ALKBH8: variants seen among roughly 807,000 people sequenced by gnomAD.
ALKBH8 encodes the protein tRNA (carboxymethyluridine(34)-5-O)-methyltransferase ALKBH8.
ALKBH8 carries 36 observed loss-of-function variants against 59.8 expected under a neutral mutation model. The observed-to-expected ratio is 0.60, with a 90% CI of 0.46 to 0.79. ALKBH8 has a LOEUF of 0.79. ALKBH8 is among the 30% of genes least tolerant of loss of function. The probability of loss-of-function intolerance (pLI) is 0.00; values close to 1 mark genes in which losing one functional copy is unlikely to be tolerated. For synonymous variants in ALKBH8, 276 were observed against 273.6 expected (o/e 1.01, Z -0.09); for missense variants, 768 against 801.0 (o/e 0.96, Z 0.50).
At chr11:107,519,483 T>C (rs1863016927) in intron 10 of ALKBH8, among the ~76,000 whole-genome samples, 1 of 152,182 alleles carries the variant, frequency 6.6e-6, no homozygotes, top group Admixed American at 6.5e-5. Flanking sequence ...ATCAGACTGG[T>C]AATATACAGT....
intron 3 of ALKBH8, among the ~76,000 whole-genome samples, chr11:107,556,315 G>A (rs1864709915): frequency 6.6e-6 from 1 of 152,052 alleles, no homozygotes; most frequent in East Asian, 1.9e-4. Flanking sequence ...TAAAAATAAA[G>A]TTTTAGGAAT....
At chr11:107,507,272 T>C (rs539842523) in intron 11 of ALKBH8, among the ~76,000 whole-genome samples, 2 of 152,236 alleles carry the variant, frequency 1.3e-5, no homozygotes, top group Non-Finnish European at 2.9e-5. Context: ...GTAACACACA[T>C]TGTATTGTAC....
chr11:107,516,430 C>T (rs1409502135), intron 10 of ALKBH8, among the ~76,000 whole-genome samples: 1 of 152,166 alleles, frequency 6.6e-6, no homozygotes, highest in Non-Finnish European at 1.5e-5. Context: ...AAATGCTTAT[C>T]TCACACCATC....
At chr11:107,520,480 C>CACACG (rs1346040367) in intron 10 of ALKBH8, among the ~76,000 whole-genome samples, 164 of 152,272 alleles carry the variant, frequency 1.1e-3, no homozygotes, top group African/African-American at 3.3e-3. Flanking sequence ...GACCTAGTTT[C>CACACG]ACTGTCACAA....
rs604866 is a variant in ALKBH8 at position 107,515,732 on chromosome 11, A to G, written c.1288-4696T>C. Among the ~76,000 whole-genome samples, 701 of 152,330 alleles carry G rather than the reference A, an allele frequency of 4.6e-3. 3 individuals carry two copies. Among genetic ancestry groups the G allele is most frequent in the African/African-American group, 0.015 (621 of 41,578 alleles). The stretch of plus-strand genomic sequence containing the variant: ...TGTGGAAGTACAAGTAAACATAAAA[A>G]AAATTCAACCTGATAAGCAAAGGTG... On this transcript the variant is annotated intron_variant, in intron 10 of 11. Coordinates refer to ENST00000428149, the MANE Select transcript of ALKBH8 (RefSeq NM_138775.3).
chr11:107,556,791 A>G lies in ALKBH8; in HGVS notation c.342T>C (p.Thr114=), dbSNP rs779159398. ...CTTTTTCCACAAAATTCAAATACAG[A>G]GTGATCTTTTGTCCTAAATCATCCA... The part of the protein sequence containing the change: ...EVVDDLGQKI[T]LYLNFVEKVQ... Residue 114 remains threonine (T), a synonymous_variant, in exon 3 of 12, where the codon ACT becomes ACC. Coordinates refer to ENST00000428149, the MANE Select transcript of ALKBH8 (RefSeq NM_138775.3). The G allele has an allele frequency of 3.5e-6, 5 of 1,411,364 alleles. No individual in the cohort carries two copies. The African/African-American group carries it at 7.4e-5, about 21-fold the overall frequency. 87.4% of individuals were successfully genotyped at this position (1,411,364 alleles called of 1,614,324 possible).
chr11:107,545,231 T>C (rs79688034), intron 7 of ALKBH8, among the ~76,000 whole-genome samples: 2,871 of 152,216 alleles, frequency 0.019, 42 homozygotes, highest in Non-Finnish European at 0.028. Context: ...ATAAAGAAAA[T>C]GTCTGGGTGT....
intron 8 of ALKBH8, among the ~76,000 whole-genome samples, chr11:107,531,511 C>T (rs1272857611): frequency 6.6e-6 from 1 of 152,170 alleles, no homozygotes; most frequent in Non-Finnish European, 1.5e-5. Context: ...AAATAAAAGA[C>T]TAAACAGAAT....
At chr11:107,528,112 T>C (rs1168433213) in intron 8 of ALKBH8, among the ~76,000 whole-genome samples, 3 of 152,130 alleles carry the variant, frequency 2.0e-5, no homozygotes, top group Non-Finnish European at 2.9e-5. Flanking sequence ...ATGAATTACA[T>C]TGATTTTTGA....
Position 107,525,555 on chromosome 11 carries a change from C to G in ALKBH8, c.916G>C (p.Glu306Gln). 3 of 1,521,298 alleles carry G rather than the reference C, an allele frequency of 2.0e-6. No individual in the cohort carries two copies. Among genetic ancestry groups the G allele is most frequent in the Non-Finnish European group, 2.6e-6 (3 of 1,135,410 alleles). The allele number at this position is 1,521,298 out of a possible 1,614,324, so 94.2% of individuals were successfully genotyped here. ...GTGATAATTCCACTTTTAAGACTCT[C>G]AGATGCTTGAACAGTATCAAATTTT... Reference protein sequence around the residue: ...CRKFDTVQASESLKSGIITSD... With the variant: ...CRKFDTVQASQSLKSGIITSD... The change falls in exon 9 of 12, where the codon GAG (glutamate) becomes CAG (glutamine). Residue 306 changes from glutamate to glutamine, a missense_variant. Glu to Gln is a conservative substitution (Grantham distance 29, BLOSUM62 2). Transcript: ENST00000428149.
intron 10 of ALKBH8, among the ~76,000 whole-genome samples, chr11:107,516,292 G>T (rs1748954650): frequency 6.6e-6 from 1 of 152,110 alleles, no homozygotes; most frequent in Admixed American, 6.6e-5. Context: ...GTGTTATTTA[G>T]AATACTTCCA....
intron 7 of ALKBH8, among the ~76,000 whole-genome samples, chr11:107,537,498 G>A (rs1054731134): frequency 1.3e-4 from 19 of 151,902 alleles, no homozygotes; most frequent in African/African-American, 3.9e-4. Flanking sequence ...AGTGGTACCT[G>A]AATGATGAGA....
intron 7 of ALKBH8, among the ~76,000 whole-genome samples, chr11:107,537,415 G>A (rs950200264): frequency 2.6e-5 from 4 of 152,168 alleles, no homozygotes; most frequent in Admixed American, 6.5e-5. Flanking sequence ...GGACACAGAT[G>A]GAGTTGGAAG....
intron 11 of ALKBH8, among the ~76,000 whole-genome samples, chr11:107,507,209 T>C (rs1862423494): frequency 6.6e-6 from 1 of 152,196 alleles, no homozygotes; most frequent in Non-Finnish European, 1.5e-5. Flanking sequence ...AAATTAATAT[T>C]TCCAGTTCCA....
chr11:107,562,455 T>A (rs965313419), intron 1 of ALKBH8, among the ~76,000 whole-genome samples: 30 of 152,096 alleles, frequency 2.0e-4, no homozygotes, highest in Non-Finnish European at 2.9e-5. Context: ...AAAATGGACA[T>A]GTTTGGCCAA....
At chr11:107,519,531 A>G (rs900945533) in intron 10 of ALKBH8, among the ~76,000 whole-genome samples, 2 of 152,222 alleles carry the variant, frequency 1.3e-5, no homozygotes, top group Admixed American at 6.5e-5. Context: ...AGTAAAGTAC[A>G]TTGAAAAGAG....
At chr11:107,552,948 CAACAA>C (rs1431453613) in intron 5 of ALKBH8, among the ~76,000 whole-genome samples, 155 bp downstream of exon 5, 2 of 151,952 alleles carry the variant, frequency 1.3e-5, no homozygotes, top group Non-Finnish European at 2.9e-5. Context: ...AATTTTTTTA[CAACAA>C]AACTATACAA....
At chr11:107,516,057 G>C (rs1862850686) in intron 10 of ALKBH8, among the ~76,000 whole-genome samples, 1 of 152,194 alleles carries the variant, frequency 6.6e-6, no homozygotes, top group African/African-American at 2.4e-5. Context: ...GATTAAAGCA[G>C]ATTCTTTGTA....
chr11:107,535,071 C>A (rs375428657), intron 7 of ALKBH8, among the ~76,000 whole-genome samples: 1 of 152,256 alleles, frequency 6.6e-6, no homozygotes, highest in East Asian at 1.9e-4. Flanking sequence ...CAGGTTGCTG[C>A]GAATGTCATT....
Sources: gnomAD v4.1 joint callset for allele counts (sites outside exome capture counted in the v4.1 genomes callset) on GRCh38, gnomAD v4.1.1 for gene constraint, MANE v1.5 for transcripts, NCBI Gene and HGNC (gene_info 2026-07-23, HGNC 2026-07-21) for gene names.